The following CERS6 variants were observed in gnomAD, a reference collection of about 807,000 sequenced individuals.
The protein encoded by CERS6 is LAG1 homolog, ceramide synthase 6.
Under a neutral mutation model 56.8 loss-of-function variants are expected in CERS6, and 26 were observed. The observed-to-expected ratio is 0.46, with a 90% CI of 0.34 to 0.63. CERS6 has a LOEUF of 0.63. Ranked by LOEUF, CERS6 falls within the 30% of genes least tolerant of loss-of-function variation. The pLI, the probability that CERS6 is intolerant of heterozygous loss-of-function variation, is 0.01. For missense variants in CERS6, 415 were observed against 467.5 expected, an observed-to-expected ratio of 0.89 and a Z score of 1.04; for synonymous variants, 164 against 173.3, an observed-to-expected ratio of 0.95 and a Z score of 0.42.
intron 2 of CERS6, among the ~76,000 whole-genome samples, chr2:168,552,183 G>A (rs1046878924): frequency 2.0e-5 from 3 of 151,706 alleles, no homozygotes; most frequent in African/African-American, 4.9e-5. Context: ...TTGCCTCCCA[G>A]TACTGGTTAA....
intron 8 of CERS6, among the ~76,000 whole-genome samples, chr2:168,720,511 C>T (rs1037272158): frequency 6.6e-6 from 1 of 152,096 alleles, no homozygotes. Context: ...TTGCTGCGTC[C>T]GTACGAGTCA....
chr2:168,563,917 G>C (rs575200870), intron 3 of CERS6, among the ~76,000 whole-genome samples: 1 of 152,232 alleles, frequency 6.6e-6, no homozygotes, highest in Non-Finnish European at 1.5e-5. Flanking sequence ...ATTAGAACTG[G>C]GTCAATGTCA....
chr2:168,653,598 A>T (rs147514779), intron 4 of CERS6, among the ~76,000 whole-genome samples: 180 of 152,296 alleles, frequency 1.2e-3, no homozygotes, highest in African/African-American at 3.9e-3. Context: ...TATCTCTTCC[A>T]TCCTTAGGTT....
At chr2:168,753,843 C>G (rs1684346194) in intron 8 of CERS6, among the ~76,000 whole-genome samples, 1 of 152,196 alleles carries the variant, frequency 6.6e-6, no homozygotes, top group Non-Finnish European at 1.5e-5. Flanking sequence ...ATCACATCCT[C>G]ACACACACAG....
At chr2:168,629,258 G>T (rs1269424858) in intron 3 of CERS6, among the ~76,000 whole-genome samples, 1 of 152,112 alleles carries the variant, frequency 6.6e-6, no homozygotes, top group East Asian at 1.9e-4. Flanking sequence ...AAAACTGCCT[G>T]ATCACTACCT....
chr2:168,597,406 A>T (rs1031440058), intron 3 of CERS6, among the ~76,000 whole-genome samples: 1 of 152,192 alleles, frequency 6.6e-6, no homozygotes, highest in African/African-American at 2.4e-5. Flanking sequence ...AGGGGTTCAG[A>T]TGTTCCACAT....
At chr2:168,716,170 A>T (rs1687221943) in intron 7 of CERS6, among the ~76,000 whole-genome samples, 1 of 152,146 alleles carries the variant, frequency 6.6e-6, no homozygotes, top group African/African-American at 2.4e-5. Context: ...AATAGTCCTA[A>T]TGGGCTAGGT....
chr2:168,673,450 T>C (rs1257749257), intron 4 of CERS6, among the ~76,000 whole-genome samples: 1 of 152,236 alleles, frequency 6.6e-6, no homozygotes, highest in Admixed American at 6.5e-5. Flanking sequence ...ATGTCAAGTT[T>C]CCATTCGTGG....
chr2:168,738,963 G>A (rs1312544665), intron 8 of CERS6, among the ~76,000 whole-genome samples: 1 of 151,178 alleles, frequency 6.6e-6, no homozygotes, highest in Non-Finnish European at 1.5e-5. Context: ...TCGGCTAACT[G>A]CAACCTCCAC....
chr2:168,693,601 G>A (rs1430751960), intron 5 of CERS6, among the ~76,000 whole-genome samples: 1 of 152,130 alleles, frequency 6.6e-6, no homozygotes, highest in Non-Finnish European at 1.5e-5. Context: ...GGACAGTTCA[G>A]TAGGAAGTGT....
chr2:168,724,301 G>A (rs144004573), intron 8 of CERS6, among the ~76,000 whole-genome samples: 2,786 of 152,208 alleles, frequency 0.018, 63 homozygotes, highest in African/African-American at 0.055. Flanking sequence ...AGACCTTTAC[G>A]GTGAGTGTTA....
At chr2:168,463,607 T>C (rs753067904) in intron 1 of CERS6, among the ~76,000 whole-genome samples, 1 of 152,132 alleles carries the variant, frequency 6.6e-6, no homozygotes, top group Non-Finnish European at 1.5e-5. Flanking sequence ...TAGATTATTA[T>C]CATTGGAAAA....
intron 1 of CERS6, among the ~76,000 whole-genome samples, chr2:168,467,030 C>T (rs1453406): frequency 0.79 from 120,624 of 152,184 alleles, 48,179 homozygotes; most frequent in East Asian, 0.99. Context: ...TCTTTCTTTC[C>T]TTTCCTCGAT....
intron 3 of CERS6, among the ~76,000 whole-genome samples, chr2:168,567,277 G>A (rs939758468): frequency 1.3e-5 from 2 of 152,142 alleles, no homozygotes; most frequent in African/African-American, 4.8e-5. Context: ...GTCTTGGTGT[G>A]CAAGACTATT....
intron 3 of CERS6, among the ~76,000 whole-genome samples, chr2:168,574,284 G>T (rs375214332): frequency 6.6e-6 from 1 of 152,004 alleles, no homozygotes. Context: ...AATCTTTGGC[G>T]TATTAAAACC....
chr2:168,712,304 T>G (rs755136113), intron 6 of CERS6, among the ~76,000 whole-genome samples: 1 of 152,218 alleles, frequency 6.6e-6, no homozygotes. Flanking sequence ...ACCTTAGCAC[T>G]GTCACCCACA....
chr2:168,522,665 A>G (rs944304263), intron 1 of CERS6, among the ~76,000 whole-genome samples: 5 of 151,992 alleles, frequency 3.3e-5, no homozygotes, highest in African/African-American at 1.2e-4. Flanking sequence ...CCTCCCACTG[A>G]GTAGCTGGGA....
Position 168,678,748 on chromosome 2 carries a change from A to G in CERS6, c.466-12286A>G, listed in dbSNP as rs114092884. On this transcript the variant is annotated intron_variant, in intron 4 of 9. Transcript: ENST00000305747. Reference sequence around the variant, plus strand: ...GTATTAGTCACTAATTGGGAAGACAATATGCATCAACTCCTTGGAATAATT... The same window carrying G: ...GTATTAGTCACTAATTGGGAAGACAGTATGCATCAACTCCTTGGAATAATT... Among the ~76,000 whole-genome samples, 298 of 152,274 alleles carry G rather than the reference A, an allele frequency of 2.0e-3. 2 individuals are homozygous for G. Among genetic ancestry groups the G allele is most frequent in the African/African-American group, 6.7e-3 (279 of 41,552 alleles).
At chr2:168,600,455 C>T (rs759287237) in intron 3 of CERS6, among the ~76,000 whole-genome samples, 3 of 152,160 alleles carry the variant, frequency 2.0e-5, no homozygotes, top group Non-Finnish European at 4.4e-5. Context: ...CTGCCCGCCT[C>T]GCCCTCCAAA....
Sources: allele counts gnomAD v4.1 joint callset (sites outside exome capture counted in the v4.1 genomes callset), GRCh38; gene constraint gnomAD v4.1.1; transcripts MANE v1.5; gene names NCBI Gene and HGNC (gene_info 2026-07-23, HGNC 2026-07-21).